Variants in ZKSCAN1 observed in about 807,000 individuals in gnomAD.
The protein encoded by ZKSCAN1 is zinc finger with KRAB and SCAN domains 1, also known as zinc finger protein with KRAB and SCAN domains 1.
ZKSCAN1 carries 14 observed loss-of-function variants against 51.6 expected under a neutral mutation model. The observed-to-expected ratio is 0.27, with a 90% CI of 0.18 to 0.42. ZKSCAN1 has a LOEUF of 0.42. Among genes scored for constraint, ZKSCAN1 ranks in the 10% least tolerant of loss-of-function variants. The probability of loss-of-function intolerance (pLI) is 1.00; values close to 1 mark genes in which losing one functional copy is unlikely to be tolerated. For missense variants in ZKSCAN1, 531 were observed against 710.0 expected, an observed-to-expected ratio of 0.75 and a Z score of 2.86; for synonymous variants, 263 against 261.5, an observed-to-expected ratio of 1.01 and a Z score of -0.06.
At chr7:100,017,246 A>T (rs1021119886) in intron 1 of ZKSCAN1, among the ~76,000 whole-genome samples, 6 of 151,922 alleles carry the variant, frequency 3.9e-5, no homozygotes, top group Non-Finnish European at 8.8e-5. Context: ...TTTTTGAGAC[A>T]GAGTCTTGCT....
Position 100,023,716 on chromosome 7 carries a change from C to T in ZKSCAN1, c.210C>T (p.Pro70=). 6.2e-7 allele frequency: 1 copy of T among 1,614,186 alleles called. No homozygotes were observed. Among genetic ancestry groups the T allele is most frequent in the East Asian group, 2.2e-5 (1 of 44,890 alleles). ...TCTGTTACCAGAACACTTTTGGGCC[C>T]CGAGAGGCTCTCAGTCGGCTGAAGG... ...RRFCYQNTFG[P]REALSRLKEL... The change falls in exon 2 of 6, where the codon CCC becomes CCT. Residue 70 remains proline (P), a synonymous_variant. Transcript: ENST00000324306.
Position 100,023,541 on chromosome 7 carries a change from T to C in ZKSCAN1, c.35T>C (p.Leu12Pro). ...MTAESREATGLSPQAAQEKDG... is the reference protein window; with the variant it reads ...MTAESREATGPSPQAAQEKDG... The stretch of plus-strand genomic sequence containing the variant: ...GCTGAATCACGGGAAGCCACGGGTC[T>C]GTCCCCACAGGCTGCACAGGAGAAG... Residue 12 changes from leucine (L) to proline (P), a missense_variant, in exon 2 of 6, where the codon CTG becomes CCG. Physicochemically the swap from Leu to Pro is moderately conservative, Grantham distance 98. Coordinates refer to ENST00000324306, the MANE Select transcript of ZKSCAN1 (RefSeq NM_003439.4). The C allele has an allele frequency of 6.2e-7, 1 of 1,613,110 alleles. No homozygotes were observed. The highest frequency in any genetic ancestry group is 8.5e-7 in the Non-Finnish European group (1 of 1,179,932).
In ZKSCAN1 at chr7:100,023,463, T is replaced by C. The variant is rs757951414; in HGVS notation, c.-44T>C. The stretch of plus-strand genomic sequence containing the variant: ...CATAAAACCTCCCAGGACATAAAGG[T>C]GAGCACAGACCCTGTTTGGATCAAG... On this transcript the variant is annotated 5_prime_UTR_variant, in exon 2 of 6. Transcript: ENST00000324306. 2.1e-5 allele frequency: 33 copies of C among 1,557,852 alleles called. No homozygotes were observed. The highest frequency in any genetic ancestry group is 2.8e-5 in the Non-Finnish European group (32 of 1,155,718).
intron 1 of ZKSCAN1, 156 bp from the exon 2 acceptor site, chr7:100,023,263 G>A (rs1203378154): frequency 2.6e-5 from 9 of 348,644 alleles, no homozygotes; most frequent in Middle Eastern, 8.3e-4. Flanking sequence ...GGCCTGCCTC[G>A]GCCTCCCAAA....
downstream of ZKSCAN1, among the ~76,000 whole-genome samples, chr7:100,043,258 G>C (rs1365300226): frequency 1.3e-5 from 2 of 151,520 alleles, no homozygotes; most frequent in Non-Finnish European, 2.9e-5. Context: ...TAGAGATGGG[G>C]GTCCCCCTAT....
At position 100,038,216 on chromosome 7, in the gene ZKSCAN1, G is replaced by A; in HGVS notation, c.*4019G>A. On this transcript the variant is annotated 3_prime_UTR_variant, in exon 6 of 6. Coordinates refer to ENST00000324306, the MANE Select transcript of ZKSCAN1 (RefSeq NM_003439.4). ...TTTGTACCTTCAGTCCCTTGTTATT[G>A]TTCCGTATATTACCTGTAAGCAGAT... 1 of 985,298 alleles carries A rather than the reference G, an allele frequency of 1.0e-6. No homozygotes were observed. Among genetic ancestry groups the A allele is most frequent in the Non-Finnish European group, 1.2e-6 (1 of 829,904 alleles). The allele number at this position is 985,298 out of a possible 1,614,324, so 61.0% of individuals were successfully genotyped here.
At chr7:100,016,838 C>T (rs536588575) in intron 1 of ZKSCAN1, 2 of 152,302 alleles carry the variant, frequency 1.3e-5, no homozygotes, top group Admixed American at 6.5e-5. Flanking sequence ...ACCACATCAG[C>T]AAAGCACTGT....
At chr7:100,027,698 A>C (rs1055192906) in intron 3 of ZKSCAN1, among the ~76,000 whole-genome samples, 2 of 146,848 alleles carry the variant, frequency 1.4e-5, no homozygotes, top group African/African-American at 5.0e-5. Flanking sequence ...CAGTGAGCCG[A>C]GATTGCGCCA....
rs974045733 is a variant in ZKSCAN1 at position 100,037,388 on chromosome 7, G to T, written c.*3191G>T. The T allele has an allele frequency of 1.0e-5, 10 of 985,204 alleles. No individual in the cohort carries two copies. In the Middle Eastern group the frequency reaches 1.5e-3, roughly 153 times the overall value. 61.0% of individuals were successfully genotyped at this position (985,204 alleles called of 1,614,324 possible). ...GGCAAGGCTAAAACCTGAGATTATC[G>T]ATCTATGAGACATCTTGATATGTAA... On this transcript the variant is annotated 3_prime_UTR_variant, in exon 6 of 6. Coordinates refer to ENST00000324306, the MANE Select transcript of ZKSCAN1 (RefSeq NM_003439.4).
chr7:100,019,559 C>G (rs1330014776), intron 1 of ZKSCAN1, among the ~76,000 whole-genome samples: 1 of 152,036 alleles, frequency 6.6e-6, no homozygotes, highest in Non-Finnish European at 1.5e-5. Flanking sequence ...GATCTGTATA[C>G]CCCACATGTC....
Position 100,037,720 on chromosome 7 carries a change from G to A in ZKSCAN1, c.*3523G>A, listed in dbSNP as rs1791422007. The A allele has an allele frequency of 1.0e-6, 1 of 985,442 alleles. No homozygotes were observed. Among genetic ancestry groups the A allele is most frequent in the Non-Finnish European group, 1.2e-6 (1 of 829,934 alleles). 61.0% of individuals were successfully genotyped at this position (985,442 alleles called of 1,614,324 possible). On this transcript the variant is annotated 3_prime_UTR_variant, in exon 6 of 6. Coordinates refer to ENST00000324306, the MANE Select transcript of ZKSCAN1 (RefSeq NM_003439.4). ...GTGATGAATTTGAGAAACATTGCAA[G>A]AGGGAGCTCAATCTTGGCCGGGCGC...
rs1367894569 is a variant in ZKSCAN1, at chr7:100,040,700, GTAAT to G, written c.*6506_*6509del. ...GCCCCACACTCCAGGCTGAGAAAGA[GTAAT>G]TAGGAGGCCTGAGGAGGGGCCGAGG... On this transcript the variant is annotated 3_prime_UTR_variant, in exon 6 of 6. Transcript: ENST00000324306. 2 of 985,388 alleles carry G rather than the reference GTAAT, an allele frequency of 2.0e-6. No individual in the cohort carries two copies. Among genetic ancestry groups the G allele is most frequent in the East Asian group, 1.1e-4 (1 of 8,832 alleles). The allele number at this position is 985,388 out of a possible 1,614,324, so 61.0% of individuals were successfully genotyped here. A position where few individuals can be genotyped will look rare whatever the true frequency, so the allele number is the denominator to read the frequency against.
downstream of ZKSCAN1, chr7:100,044,680 CAAAAAAA>C (rs59706759): frequency 1.6e-4 from 66 of 414,882 alleles, no homozygotes; most frequent in African/African-American, 2.2e-4. Flanking sequence ...GACTCTATCT[CAAAAAAA>C]AAAAAAAAAA....
rs547314204 is a variant in ZKSCAN1, at chr7:100,020,690, A to G, written c.-88-2729A>G. 2.6e-5 allele frequency among the ~76,000 whole-genome samples: 4 copies of G among 152,270 alleles called. No individual in the cohort carries two copies. The South Asian group carries it at 6.2e-4, about 24-fold the overall frequency. On this transcript the variant is annotated intron_variant, in intron 1 of 5. Transcript: ENST00000324306. ...GTATATATAATTTTTGTGCTGTTAT[A>G]TGTACATGATCCCTTTTTCACCAAA...
At chr7:100,030,091 T>G (rs1261124876) in intron 4 of ZKSCAN1, 139 bp downstream of exon 4, 2 of 1,395,520 alleles carry the variant, frequency 1.4e-6, no homozygotes, top group Non-Finnish European at 2.0e-6. Context: ...TTTAGCATCT[T>G]TCTACCACAA....
chr7:100,031,732 G>A (rs532545050), intron 5 of ZKSCAN1, among the ~76,000 whole-genome samples: 10 of 152,206 alleles, frequency 6.6e-5, no homozygotes, highest in African/African-American at 2.4e-4. Context: ...CTCCTTGTTG[G>A]ATAGAAACTA....
At position 100,037,455 on chromosome 7, in the gene ZKSCAN1, T is replaced by G. The variant is rs1334250002; in HGVS notation, c.*3258T>G. ...GGCATAAAAGTGAAACTGCTAAATA[T>G]GTATAGAGAGGTTGACGTGTGATAC... is the stretch of plus-strand genomic sequence containing the variant. On this transcript the variant is annotated 3_prime_UTR_variant, in exon 6 of 6. Coordinates refer to ENST00000324306, the MANE Select transcript of ZKSCAN1 (RefSeq NM_003439.4). The G allele has an allele frequency of 2.0e-6, 2 of 985,400 alleles. No individual in the cohort carries two copies. The highest frequency in any genetic ancestry group is 4.7e-5 in the South Asian group (1 of 21,284). The allele number at this position is 985,400 out of a possible 1,614,324, so 61.0% of individuals were successfully genotyped here.
At chr7:100,019,533 T>C (rs1038270273) in intron 1 of ZKSCAN1, among the ~76,000 whole-genome samples, 1 of 151,940 alleles carries the variant, frequency 6.6e-6, no homozygotes, top group Non-Finnish European at 1.5e-5. Context: ...GTCACGTTCA[T>C]AGGCCTTCAT....
intron 1 of ZKSCAN1, among the ~76,000 whole-genome samples, chr7:100,022,235 A>T (rs1304213461): frequency 6.6e-6 from 1 of 152,192 alleles, no homozygotes; most frequent in Admixed American, 6.5e-5. Context: ...TTCTATTTTT[A>T]GTAGAGACAG....
Sources: gnomAD v4.1 joint callset for allele counts (sites outside exome capture counted in the v4.1 genomes callset) on GRCh38, gnomAD v4.1.1 for gene constraint, MANE v1.5 for transcripts, NCBI Gene and HGNC (gene_info 2026-07-23, HGNC 2026-07-21) for gene names.